Variants in ABCC2 observed in about 807,000 individuals in gnomAD.
ABCC2 encodes the protein ATP-binding cassette sub-family C member 2.
In ABCC2, 157 loss-of-function variants were observed where a neutral mutation model predicts 173.4. The ratio of observed to expected loss-of-function variants is 0.91; its 90% CI spans 0.80 to 1.03. The LOEUF is 1.03. Ranked by LOEUF, ABCC2 falls within the 50% of genes least tolerant of loss-of-function variation. ABCC2 has a pLI of 0.00. For missense variants in ABCC2, 1,822 were observed against 1,852.3 expected (o/e 0.98, Z 0.30); for synonymous variants, 657 against 693.5 (o/e 0.95, Z 0.83).
chr10:99,821,918 G>T (rs976594718), intron 19 of ABCC2, among the ~76,000 whole-genome samples: 1 of 151,964 alleles, frequency 6.6e-6, no homozygotes, highest in East Asian at 1.9e-4. Context: ...CTACTGATGG[G>T]ACTGACAGTA....
Position 99,836,252 on chromosome 10 carries a change from C to G in ABCC2, c.3576C>G (p.Thr1192=), listed in dbSNP as rs146575217. 4.1e-5 allele frequency: 66 copies of G among 1,614,160 alleles called. 1 individual carries two copies. The Middle Eastern group carries it at 5.0e-4, about 12-fold the overall frequency. ...AACACAATGAGGTGAGGATTGACAC[C>G]AACCAGAAATGTGTCTTTTCCTGGA... ...FLKHNEVRID[T]NQKCVFSWIT... Residue 1192 remains threonine (T), a synonymous_variant, in exon 25 of 32, where the codon ACC becomes ACG. Transcript: ENST00000647814.
chr10:99,806,853 G>A (rs1314342220), intron 11 of ABCC2, among the ~76,000 whole-genome samples: 1 of 152,168 alleles, frequency 6.6e-6, no homozygotes, highest in Non-Finnish European at 1.5e-5. Flanking sequence ...AAATGAAACA[G>A]AGCCCCCTTT....
At chr10:99,802,942 T>A (rs559057796) in intron 9 of ABCC2, among the ~76,000 whole-genome samples, 113 of 152,254 alleles carry the variant, frequency 7.4e-4, no homozygotes, top group African/African-American at 2.6e-3. Context: ...GCCTGAAAAA[T>A]CCTGACACGA....
At chr10:99,844,221 C>T (rs1460596851) in intron 27 of ABCC2, 101 bp from the exon 28 acceptor site, 3 of 1,440,374 alleles carry the variant, frequency 2.1e-6, no homozygotes, top group Admixed American at 1.7e-5. Context: ...GTAGCTGGGA[C>T]ACTGCTACCC....
intron 3 of ABCC2, 114 bp downstream of exon 3, chr10:99,792,473 G>C: frequency 6.6e-7 from 1 of 1,504,832 alleles, no homozygotes; most frequent in South Asian, 1.2e-5. Flanking sequence ...TTTTTCGCGG[G>C]ATCCATAGTG....
At chr10:99,821,369 C>T (rs1235745796) in intron 19 of ABCC2, among the ~76,000 whole-genome samples, 5 of 152,134 alleles carry the variant, frequency 3.3e-5, no homozygotes, top group Admixed American at 2.0e-4. Flanking sequence ...ACTAATCCTC[C>T]TCAGCACAGA....
At chr10:99,791,481 A>G (rs946547205) in intron 2 of ABCC2, among the ~76,000 whole-genome samples, 4 of 152,244 alleles carry the variant, frequency 2.6e-5, no homozygotes, top group Non-Finnish European at 5.9e-5. Context: ...CTGTTGCTAT[A>G]TAACAAAATA....
At position 99,834,493 on chromosome 10, in the gene ABCC2, C is replaced by T. The variant is rs750136060; in HGVS notation, c.3372C>T (p.Thr1124=). 3 of 1,614,150 alleles carry T rather than the reference C, an allele frequency of 1.9e-6. No individual in the cohort carries two copies. Among genetic ancestry groups the T allele is most frequent in the African/African-American group, 1.3e-5 (1 of 75,030 alleles). The part of the protein sequence containing the change: ...VMICMATPVF[T]IIVIPLGIIY... ...TCTGCATGGCCACTCCTGTCTTCAC[C>T]ATCATCGTCATTCCTCTTGGCATTA... Residue 1124 remains threonine (T), a synonymous_variant, in exon 24 of 32, where the codon ACC becomes ACT. Coordinates refer to ENST00000647814, the MANE Select transcript of ABCC2 (RefSeq NM_000392.5).
intron 19 of ABCC2, among the ~76,000 whole-genome samples, chr10:99,829,123 A>T (rs2038694186): frequency 6.6e-6 from 1 of 152,080 alleles, no homozygotes; most frequent in Admixed American, 6.6e-5. Context: ...GTTAGGTCAA[A>T]TAGGCCCTAT....
rs769292618 is a variant in ABCC2 at position 99,784,639 on chromosome 10, A to G, written c.65A>G (p.Asp22Gly). 6.2e-7 allele frequency: 1 copy of G among 1,612,890 alleles called. No individual in the cohort carries two copies. Among genetic ancestry groups the G allele is most frequent in the Non-Finnish European group, 8.5e-7 (1 of 1,179,754 alleles). The change falls in exon 2 of 32, where the codon GAC becomes GGC. Residue 22 changes from aspartate to glycine, a missense_variant. Physicochemically the swap from Asp to Gly is moderately conservative, Grantham distance 94. Transcript: ENST00000647814. ...NSSFLDSPEA[D>G]LPLCFEQTVL... Reference sequence around the variant, plus strand: ...TCATTCCTGGACAGTCCGGAGGCAGACCTGCCACTTTGTTTTGAGCAAACT... The same window carrying G: ...TCATTCCTGGACAGTCCGGAGGCAGGCCTGCCACTTTGTTTTGAGCAAACT...
chr10:99,847,022 A>T lies in ABCC2; in HGVS notation c.4208A>T (p.Asp1403Val). 6.2e-7 allele frequency: 1 copy of T among 1,614,178 alleles called. No homozygotes were observed. Among genetic ancestry groups the T allele is most frequent in the Non-Finnish European group, 8.5e-7 (1 of 1,180,038 alleles). Residue 1403 changes from aspartate to valine, a missense_variant, in exon 30 of 32, where the codon GAT (aspartate) becomes GTT (valine). Physicochemically the swap from Asp to Val is radical, Grantham distance 152 (BLOSUM62 -3). Transcript: ENST00000647814. ...MNLDPFNNYS[D>V]EEIWKALELA... is the part of the protein sequence containing the mutation. Reference sequence around the variant, plus strand: ...CTCGACCCTTTCAACAACTACTCAGATGAGGAGATTTGGAAGGCCTTGGAG... The same window carrying T: ...CTCGACCCTTTCAACAACTACTCAGTTGAGGAGATTTGGAAGGCCTTGGAG...
At chr10:99,794,133 A>G (rs2037855737) in intron 5 of ABCC2, 134 bp downstream of exon 5, 3 of 797,856 alleles carry the variant, frequency 3.8e-6, no homozygotes, top group Non-Finnish European at 5.8e-6. Flanking sequence ...TTTTATGACA[A>G]GGAAACAGAT....
chr10:99,840,715 C>T (rs1195490434), intron 25 of ABCC2, among the ~76,000 whole-genome samples: 1 of 152,156 alleles, frequency 6.6e-6, no homozygotes, highest in Non-Finnish European at 1.5e-5. Flanking sequence ...AGGGGTTTCA[C>T]CATGTTGGCC....
chr10:99,850,496 A>G, intron 30 of ABCC2, 106 bp from the exon 31 acceptor site: 1 of 1,098,698 alleles, frequency 9.1e-7, no homozygotes, highest in Non-Finnish European at 1.4e-6. Context: ...GGAATTTTGG[A>G]GGGGGGGTTT....
At chr10:99,783,879 A>C (rs2037660472) in intron 1 of ABCC2, among the ~76,000 whole-genome samples, 1 of 151,406 alleles carries the variant, frequency 6.6e-6, no homozygotes. Flanking sequence ...GGGCATCGCA[A>C]GCAATTCTTT....
chr10:99,850,397 C>T (rs1054995164), intron 30 of ABCC2, among the ~76,000 whole-genome samples: 1 of 152,152 alleles, frequency 6.6e-6, no homozygotes, highest in East Asian at 1.9e-4. Context: ...TAATTAAGTA[C>T]TTGGGGTGGG....
intron 16 of ABCC2, among the ~76,000 whole-genome samples, chr10:99,814,743 A>ATGTATATACACATATATGTGTGTG (rs1564686060): frequency 2.1e-5 from 3 of 140,196 alleles, no homozygotes; most frequent in African/African-American, 7.9e-5. Flanking sequence ...GTATGTGTAT[A>ATGTATATACACATATATGTGTGTG]TGTATGTATA....
At chr10:99,831,575 G>A (rs750523215) in intron 21 of ABCC2, 36 bp from the exon 22 acceptor site, 2 of 1,586,858 alleles carry the variant, frequency 1.3e-6, no homozygotes, top group Non-Finnish European at 1.7e-6. Context: ...AAAGCCATTA[G>A]GGAGTTCTAC....
At chr10:99,787,361 C>G (rs545685359) in intron 2 of ABCC2, among the ~76,000 whole-genome samples, 1 of 152,188 alleles carries the variant, frequency 6.6e-6, no homozygotes, top group East Asian at 1.9e-4. Flanking sequence ...TAATATGGTT[C>G]TTTTTTGATT....
Sources: gnomAD v4.1 joint callset for allele counts (sites outside exome capture counted in the v4.1 genomes callset) on GRCh38, gnomAD v4.1.1 for gene constraint, MANE v1.5 for transcripts, NCBI Gene and HGNC (gene_info 2026-07-23, HGNC 2026-07-21) for gene names.